UBE2V1: variants seen among roughly 807,000 people sequenced by gnomAD.
The protein encoded by UBE2V1 is ubiquitin-conjugating enzyme E2 variant 1.
UBE2V1 carries 15 observed loss-of-function variants against 19.6 expected under a neutral mutation model. The observed-to-expected ratio is 0.77, with a 90% confidence interval of 0.51 to 1.18. UBE2V1 has a LOEUF of 1.18. UBE2V1 is among the 50% of genes most tolerant of loss of function. The pLI, the probability that UBE2V1 is intolerant of heterozygous loss-of-function variation, is 0.00. For synonymous variants in UBE2V1, 60 were observed against 60.7 expected (o/e 0.99, Z 0.05); for missense variants, 125 against 184.8 (o/e 0.68, Z 1.88).
intron 1 of UBE2V1, among the ~76,000 whole-genome samples, chr20:50,099,705 A>C (rs1194379822): frequency 6.6e-6 from 1 of 152,178 alleles, no homozygotes; most frequent in East Asian, 1.9e-4. Context: ...GTTGTCCAGC[A>C]CTTCATCTCA....
chr20:50,109,641 C>A (rs898125577), intron 1 of UBE2V1, among the ~76,000 whole-genome samples: 2 of 150,906 alleles, frequency 1.3e-5, no homozygotes, highest in African/African-American at 4.9e-5. Flanking sequence ...CCCAGCTACT[C>A]AGGAGGCTGA....
chr20:50,095,781 T>C (rs1441132975), intron 2 of UBE2V1: 1 of 152,268 alleles, frequency 6.6e-6, no homozygotes, highest in Non-Finnish European at 1.5e-5. Context: ...AATCAATTTC[T>C]TGACTCCTAC....
chr20:50,095,614 T>C (rs2079574034), intron 2 of UBE2V1, among the ~76,000 whole-genome samples: 1 of 152,232 alleles, frequency 6.6e-6, no homozygotes, highest in Non-Finnish European at 1.5e-5. Context: ...ACGCCCTACA[T>C]GTCTTTCTGC....
chr20:50,087,897 G>A (rs2079013032), intron 2 of UBE2V1, among the ~76,000 whole-genome samples: 1 of 152,006 alleles, frequency 6.6e-6, no homozygotes, highest in African/African-American at 2.4e-5. Flanking sequence ...CGAAAGACTG[G>A]CAAAACATGG....
At chr20:50,088,872 A>T (rs1339694903) in intron 2 of UBE2V1, among the ~76,000 whole-genome samples, 1 of 152,130 alleles carries the variant, frequency 6.6e-6, no homozygotes, top group Non-Finnish European at 1.5e-5. Context: ...AAATCTAAAC[A>T]TACAAAAAGG....
chr20:50,088,165 C>G, intron 2 of UBE2V1, among the ~76,000 whole-genome samples: 1 of 147,138 alleles, frequency 6.8e-6, no homozygotes, highest in South Asian at 2.2e-4. Context: ...CTGACCAGTA[C>G]TCCTCAAAAC....
At chr20:50,095,438 T>C (rs2079563368) in intron 2 of UBE2V1, 1 of 152,220 alleles carries the variant, frequency 6.6e-6, no homozygotes, top group African/African-American at 2.4e-5. Flanking sequence ...ATCAAATGTA[T>C]ATATTTTTAA....
intron 2 of UBE2V1, chr20:50,096,190 G>A (rs2079610638): frequency 5.9e-6 from 1 of 169,524 alleles, no homozygotes; most frequent in African/African-American, 2.4e-5. Flanking sequence ...AGTAGTGCCT[G>A]GAATAGACCA....
chr20:50,107,509 G>A (rs2147186559), intron 1 of UBE2V1, among the ~76,000 whole-genome samples: 1 of 152,332 alleles, frequency 6.6e-6, no homozygotes, highest in East Asian at 1.9e-4. Flanking sequence ...TGTGGGAAAT[G>A]AGTCAGGACA....
chr20:50,086,260 G>T (rs551660024), intron 2 of UBE2V1, among the ~76,000 whole-genome samples: 36 of 152,096 alleles, frequency 2.4e-4, no homozygotes, highest in Non-Finnish European at 4.6e-4. Context: ...CCCCTTGGAA[G>T]TGTTCCCGAT....
chr20:50,095,390 T>C (rs2079560429), intron 2 of UBE2V1: 2 of 152,272 alleles, frequency 1.3e-5, no homozygotes, highest in Admixed American at 6.5e-5. Flanking sequence ...ATTCTGGTTT[T>C]CACAGGAAAA....
chr20:50,111,575 T>G lies in UBE2V1; in HGVS notation c.22+1532A>C, dbSNP rs544218306. The G allele has an allele frequency of 3.7e-5, 37 of 1,000,194 alleles. 2 individuals are homozygous for G. In the South Asian group the frequency reaches 1.5e-3, roughly 41 times the overall value. The allele number at this position is 1,000,194 out of a possible 1,614,324, so 62.0% of individuals were successfully genotyped here. On this transcript the variant is annotated intron_variant, in intron 1 of 3. Transcript: ENST00000371674. ...AGCACTGTTCCAGCTGAAACCAAAA[T>G]CGAGTAAAAGGATTCATGGTCTCCG... is the stretch of plus-strand genomic sequence containing the variant.
chr20:50,102,329 T>C (rs2080053483), intron 1 of UBE2V1, among the ~76,000 whole-genome samples: 1 of 152,210 alleles, frequency 6.6e-6, no homozygotes. Context: ...GAAAATTTTT[T>C]AAATCGAGTA....
At chr20:50,112,805 T>C (rs2080848918) in intron 1 of UBE2V1, among the ~76,000 whole-genome samples, 1 of 151,894 alleles carries the variant, frequency 6.6e-6, no homozygotes, top group Admixed American at 6.6e-5. Flanking sequence ...TCCTCAGGAG[T>C]GCCTCGGAGC....
intron 1 of UBE2V1, among the ~76,000 whole-genome samples, chr20:50,099,331 TTTG>T (rs1419047938): frequency 1.3e-5 from 2 of 152,166 alleles, no homozygotes; most frequent in Admixed American, 1.3e-4. Flanking sequence ...CTGTGAGAAA[TTTG>T]TTGTTTAAGC....
At chr20:50,100,642 A>G (rs750976537) in intron 1 of UBE2V1, among the ~76,000 whole-genome samples, 1 of 152,212 alleles carries the variant, frequency 6.6e-6, no homozygotes, top group Non-Finnish European at 1.5e-5. Flanking sequence ...CAGCTTCTAC[A>G]GTTAAGCCCT....
At chr20:50,084,317 T>C in intron 2 of UBE2V1, 63 bp from the exon 3 acceptor site, 2 of 1,608,688 alleles carry the variant, frequency 1.2e-6, no homozygotes, top group Non-Finnish European at 1.7e-6. Flanking sequence ...AAGGTAGAGC[T>C]TGTGAAACCC....
At position 50,101,411 on chromosome 20, in the gene UBE2V1, A is replaced by G. The variant is rs1168978520; in HGVS notation, c.23-4591T>C. Among the ~76,000 whole-genome samples, 3 of 143,676 alleles carry G rather than the reference A, an allele frequency of 2.1e-5. No homozygotes were observed. In the East Asian group the frequency reaches 6.1e-4, roughly 29 times the overall value. The allele number at this position is 143,676 out of a possible 152,430, so 94.3% of individuals were successfully genotyped here. A position where few individuals can be genotyped will look rare whatever the true frequency, so the allele number is the denominator to read the frequency against. Reference sequence around the variant, plus strand: ...ACTCTCAAAATCATTGAAGACCTCAAAGAACTTTTTTTTTTTTTTTTTTTG... The same window carrying G: ...ACTCTCAAAATCATTGAAGACCTCAGAGAACTTTTTTTTTTTTTTTTTTTG... On this transcript the variant is annotated intron_variant, in intron 1 of 3. Coordinates refer to ENST00000371674, the MANE Select transcript of UBE2V1 (RefSeq NM_001032288.3).
At chr20:50,115,594 G>A (rs762595664), upstream of UBE2V1, 1 of 1,497,140 alleles carries the variant, frequency 6.7e-7, no homozygotes, top group South Asian at 1.3e-5. Flanking sequence ...CCTTCTATGA[G>A]GATAGTAGTA....
Sources: allele counts gnomAD v4.1 joint callset (sites outside exome capture counted in the v4.1 genomes callset), GRCh38; gene constraint gnomAD v4.1.1; transcripts MANE v1.5; gene names NCBI Gene and HGNC (gene_info 2026-07-23, HGNC 2026-07-21).